MBOAT1: variants seen among roughly 807,000 people sequenced by gnomAD.
MBOAT1 encodes the protein membrane bound glycerophospholipid O-acyltransferase 1, also known as membrane-bound glycerophospholipid O-acyltransferase 1.
MBOAT1 carries 67 observed loss-of-function variants against 64.4 expected under a neutral mutation model. That is an observed-to-expected ratio of 1.04 (90% CI 0.85 to 1.27). The LOEUF is 1.27. MBOAT1 is among the 50% of genes most tolerant of loss of function. The probability of loss-of-function intolerance (pLI) is 0.00; values close to 1 mark genes in which losing one functional copy is unlikely to be tolerated. For missense variants in MBOAT1, 563 were observed against 604.6 expected, an observed-to-expected ratio of 0.93 and a Z score of 0.72; for synonymous variants, 229 against 218.9, an observed-to-expected ratio of 1.05 and a Z score of -0.41.
intron 3 of MBOAT1, among the ~76,000 whole-genome samples, chr6:20,149,396 C>T (rs58990929): frequency 0.084 from 12,713 of 152,134 alleles, 1,706 homozygotes; most frequent in African/African-American, 0.28. Flanking sequence ...AGCTGACAAG[C>T]TGCAATTTGT....
Position 20,204,231 on chromosome 6 carries a change from AGAGGCCCAGAGATGCC to A in MBOAT1, c.99+7889_99+7904del, listed in dbSNP as rs544183513. Among the ~76,000 whole-genome samples, 128 of 152,304 alleles carry A rather than the reference AGAGGCCCAGAGATGCC, an allele frequency of 8.4e-4. 1 individual carries two copies. The highest frequency in any genetic ancestry group is 2.6e-3 in the African/African-American group (110 of 41,546). On this transcript the variant is annotated intron_variant, in intron 1 of 12. Coordinates refer to ENST00000324607, the MANE Select transcript of MBOAT1 (RefSeq NM_001080480.3). ...AGTTCTCCCCTAGCACTGTCTCAGG[AGAGGCCCAGAGATGCC>A]GAGGCCCCGTGTCCTCTGGCAGTGG... is the stretch of plus-strand genomic sequence containing the variant.
At chr6:20,173,009 G>T (rs1292189047) in intron 1 of MBOAT1, among the ~76,000 whole-genome samples, 1 of 152,132 alleles carries the variant, frequency 6.6e-6, no homozygotes, top group African/African-American at 2.4e-5. Flanking sequence ...GTTCTCACAA[G>T]ATCTGGTTGT....
At chr6:20,174,497 A>G (rs1762287501) in intron 1 of MBOAT1, among the ~76,000 whole-genome samples, 1 of 152,242 alleles carries the variant, frequency 6.6e-6, no homozygotes, top group African/African-American at 2.4e-5. Context: ...GTATAATGGT[A>G]CACCTGTCCA....
rs1056378315 is a variant in MBOAT1 at position 20,100,932 on chromosome 6, A to T, written c.*1354T>A. Among the ~76,000 whole-genome samples, 2 of 152,212 alleles carry T rather than the reference A, an allele frequency of 1.3e-5. No homozygotes were observed. The highest frequency in any genetic ancestry group is 2.4e-5 in the African/African-American group (1 of 41,460). Reference sequence around the variant, plus strand: ...CTCCAAAAGGGGCCATAGCACATTCATAACAAAGATAGAAAAGAAAACTTT... The same window carrying T: ...CTCCAAAAGGGGCCATAGCACATTCTTAACAAAGATAGAAAAGAAAACTTT... On this transcript the variant is annotated 3_prime_UTR_variant, in exon 13 of 13. Transcript: ENST00000324607.
chr6:20,120,004 T>TGC (rs1166376071), intron 8 of MBOAT1, among the ~76,000 whole-genome samples: 2 of 79,374 alleles, frequency 2.5e-5, no homozygotes, highest in Admixed American at 3.3e-4. Context: ...TGTGTGTGTG[T>TGC]GCGTGTGTGT....
rs1361106034 is a variant in MBOAT1 at position 20,168,807 on chromosome 6, G to A, written c.100-16038C>T. Reference sequence around the variant, plus strand: ...GGAAGGGAAGGGAAAAGGGGGGAGGGGAGGGGAGGAAGGAAGAGGAGAGGA... The same window carrying A: ...GGAAGGGAAGGGAAAAGGGGGGAGGAGAGGGGAGGAAGGAAGAGGAGAGGA... On this transcript the variant is annotated intron_variant, in intron 1 of 12. Transcript: ENST00000324607. 2.7e-5 allele frequency among the ~76,000 whole-genome samples: 3 copies of A among 110,786 alleles called. No homozygotes were observed. The East Asian group carries it at 9.7e-4, about 36-fold the overall frequency. 72.7% of individuals were successfully genotyped at this position (110,786 alleles called of 152,430 possible). A position where few individuals can be genotyped will look rare whatever the true frequency, so the allele number is the denominator to read the frequency against.
chr6:20,166,326 T>C (rs1302969508), intron 1 of MBOAT1, among the ~76,000 whole-genome samples: 1 of 152,164 alleles, frequency 6.6e-6, no homozygotes, highest in Non-Finnish European at 1.5e-5. Flanking sequence ...GAGAGGTTTA[T>C]CTTTACTCCA....
At chr6:20,138,401 G>A (rs1475228544) in intron 4 of MBOAT1, among the ~76,000 whole-genome samples, 1 of 152,102 alleles carries the variant, frequency 6.6e-6, no homozygotes, top group Non-Finnish European at 1.5e-5. Flanking sequence ...TCCAAAAAAT[G>A]CCAGAAAATA....
At chr6:20,144,721 G>T (rs1761281558) in intron 3 of MBOAT1, among the ~76,000 whole-genome samples, 1 of 152,184 alleles carries the variant, frequency 6.6e-6, no homozygotes, top group Non-Finnish European at 1.5e-5. Context: ...TTTTTGTAAA[G>T]TACAAATCAT....
intron 1 of MBOAT1, among the ~76,000 whole-genome samples, chr6:20,176,021 C>A (rs978165793): frequency 2.6e-5 from 4 of 152,310 alleles, no homozygotes; most frequent in Middle Eastern, 3.4e-3. Context: ...CAGTGGCTCA[C>A]GCCTATAATC....
intron 8 of MBOAT1, among the ~76,000 whole-genome samples, chr6:20,120,628 C>T (rs1465121708): frequency 1.3e-5 from 2 of 151,650 alleles, no homozygotes; most frequent in East Asian, 3.9e-4. Context: ...AAGATCGCGC[C>T]ATTGCACACC....
At position 20,151,205 on chromosome 6, in the gene MBOAT1, A is replaced by G. The variant is rs1179669348; in HGVS notation, c.303T>C (p.Ala101=). 1 of 1,613,118 alleles carries G rather than the reference A, an allele frequency of 6.2e-7. No homozygotes were observed. The highest frequency in any genetic ancestry group is 1.7e-5 in the Admixed American group (1 of 60,006). ...CTTACCTGTGAATATTGGATACACT[A>G]GCAGTGACCATGATTGCATAGCACA... ...VLMCYAIMVT[A]SVSNIHRYSF... is the part of the protein sequence containing the mutation. The change falls in exon 3 of 13, where the codon GCT becomes GCC. Residue 101 remains alanine (A), a synonymous_variant. Transcript: ENST00000324607.
intron 1 of MBOAT1, among the ~76,000 whole-genome samples, chr6:20,174,897 T>C (rs1581444658): frequency 6.6e-6 from 1 of 152,300 alleles, no homozygotes; most frequent in African/African-American, 2.4e-5. Flanking sequence ...TTCTTAAAGT[T>C]CTTTGTTATT....
At position 20,181,307 on chromosome 6, in the gene MBOAT1, C is replaced by T. The variant is rs766159350; in HGVS notation, c.100-28538G>A. On this transcript the variant is annotated intron_variant, in intron 1 of 12. Transcript: ENST00000324607. ...AAGCCACCACAGGTGGAGGAGGAAA[C>T]GCCACACCCTGGCCCATTTCACCTG... Among the ~76,000 whole-genome samples, 7 of 152,276 alleles carry T rather than the reference C, an allele frequency of 4.6e-5. No individual in the cohort carries two copies. The South Asian group carries it at 6.2e-4, about 14-fold the overall frequency.
intron 1 of MBOAT1, among the ~76,000 whole-genome samples, chr6:20,200,332 T>A (rs551359276): frequency 1.3e-5 from 2 of 152,322 alleles, no homozygotes; most frequent in Non-Finnish European, 2.9e-5. Flanking sequence ...GAAAAAATAG[T>A]CTTGGTTTGT....
At chr6:20,179,347 C>T (rs540567318) in intron 1 of MBOAT1, among the ~76,000 whole-genome samples, 7 of 152,270 alleles carry the variant, frequency 4.6e-5, no homozygotes, top group African/African-American at 1.2e-4. Flanking sequence ...CTGTTCCCCC[C>T]AACCATGTGT....
chr6:20,193,047 C>A (rs1260031871), intron 1 of MBOAT1, among the ~76,000 whole-genome samples: 5 of 121,114 alleles, frequency 4.1e-5, no homozygotes, highest in Non-Finnish European at 8.2e-5. Flanking sequence ...GCTCTGTCGC[C>A]CAGGCTGGAG....
intron 1 of MBOAT1, among the ~76,000 whole-genome samples, chr6:20,210,114 G>C (rs577142797): frequency 6.6e-6 from 1 of 152,234 alleles, no homozygotes; most frequent in South Asian, 2.1e-4. Context: ...CCTGATACAA[G>C]AACCTTCCTA....
intron 9 of MBOAT1, among the ~76,000 whole-genome samples, chr6:20,117,520 G>A (rs907189922): frequency 5.3e-5 from 8 of 152,134 alleles, no homozygotes; most frequent in African/African-American, 9.7e-5. Context: ...TCTGGAGGCC[G>A]TCCACATGCA....
Sources: allele counts gnomAD v4.1 joint callset (sites outside exome capture counted in the v4.1 genomes callset), GRCh38; gene constraint gnomAD v4.1.1; transcripts MANE v1.5; gene names NCBI Gene and HGNC (gene_info 2026-07-23, HGNC 2026-07-21).